The following MYLK4 variants were observed in gnomAD, a reference collection of about 807,000 sequenced individuals.
MYLK4 encodes the protein myosin light chain kinase family member 4, also known as caMLCK like.
In MYLK4, 46 loss-of-function variants were observed where a neutral mutation model predicts 48.1. The ratio of observed to expected loss-of-function variants is 0.96; its 90% CI spans 0.75 to 1.22. The LOEUF (loss-of-function observed/expected upper bound fraction) is 1.22. MYLK4 is among the 50% of genes most tolerant of loss of function. The pLI, the probability that MYLK4 is intolerant of heterozygous loss-of-function variation, is 0.00. For missense variants in MYLK4, 451 were observed against 486.1 expected (o/e 0.93, Z 0.68); for synonymous variants, 170 against 180.8 (o/e 0.94, Z 0.48).
intron 11 of MYLK4, 23 bp downstream of exon 11, chr6:2,675,024 G>A (rs553872472): frequency 6.4e-7 from 1 of 1,569,448 alleles, no homozygotes; most frequent in South Asian, 1.1e-5. Flanking sequence ...AGAAAAAGAG[G>A]AAGAGCAAGA....
chr6:2,670,156 A>T (rs1415495419), intron 12 of MYLK4, among the ~76,000 whole-genome samples: 1 of 152,178 alleles, frequency 6.6e-6, no homozygotes, highest in Non-Finnish European at 1.5e-5. Flanking sequence ...ACCTTAGGTC[A>T]GGAGTTTGAG....
chr6:2,762,936 G>A, the MYLK4 span, among the ~76,000 whole-genome samples: 3 of 152,126 alleles, frequency 2.0e-5, no homozygotes, highest in Admixed American at 6.6e-5. Flanking sequence ...CACTCATTAA[G>A]ACAATTCAGA....
chr6:2,741,667 T>C (rs970059696), intron 2 of MYLK4, among the ~76,000 whole-genome samples: 1 of 152,228 alleles, frequency 6.6e-6, no homozygotes, highest in African/African-American at 2.4e-5. Context: ...TCAAAGACAA[T>C]AGTTTGCTCA....
At chr6:2,737,977 C>CGG (rs1158504264) in intron 2 of MYLK4, among the ~76,000 whole-genome samples, 94 of 2,472 alleles carry the variant, frequency 0.038, no homozygotes, top group African/African-American at 0.047. Context: ...GTGCCGGGGG[C>CGG]GGGTGGGGGG....
At chr6:2,675,021 G>C in intron 11 of MYLK4, 26 bp downstream of exon 11, 1 of 1,557,340 alleles carries the variant, frequency 6.4e-7, no homozygotes, top group Non-Finnish European at 8.9e-7. Context: ...AGGAGAAAAA[G>C]AGGAAGAGCA....
intron 11 of MYLK4, 101 bp from the exon 12 acceptor site, chr6:2,671,449 A>C (rs1760892746): frequency 8.9e-7 from 1 of 1,125,884 alleles, no homozygotes; most frequent in Non-Finnish European, 1.3e-6. Flanking sequence ...ACTGAGGAGA[A>C]GGTGCTCTTC....
intron 2 of MYLK4, among the ~76,000 whole-genome samples, chr6:2,748,672 GGGTACAAGCCCCACCGTC>G (rs1764183419): frequency 6.6e-6 from 1 of 152,216 alleles, no homozygotes; most frequent in African/African-American, 2.4e-5. Context: ...GCACAGAGGA[GGGTACAAGCCCCACCGTC>G]GTGCCATCAG....
chr6:2,751,253 C>A (rs1332187435), upstream of MYLK4, among the ~76,000 whole-genome samples: 1 of 152,198 alleles, frequency 6.6e-6, no homozygotes, highest in African/African-American at 2.4e-5. Flanking sequence ...AGGGAAAATG[C>A]CAGGTGTGGC....
rs753382099 is a variant in MYLK4, at chr6:2,685,455, G to T, written c.435+28C>A. On this transcript the variant is annotated intron_variant, in intron 5 of 12. Transcript: ENST00000274643. The surrounding 1 kb of genome is among the most constrained non-coding windows in gnomAD (Gnocchi z 4.5). ...AGTGTGGTCAAGATGGGGCGGGGAG[G>T]GAGGGGACCACCTCCCACAGGCTGT... 1.2e-6 allele frequency: 2 copies of T among 1,608,418 alleles called. No homozygotes were observed. The highest frequency in any genetic ancestry group is 1.7e-6 in the Non-Finnish European group (2 of 1,174,894).
intron 2 of MYLK4, among the ~76,000 whole-genome samples, chr6:2,727,816 G>A (rs1241201892): frequency 2.6e-5 from 4 of 152,114 alleles, no homozygotes; most frequent in East Asian, 1.9e-4. Context: ...GTGTGGTGGC[G>A]CATGCCTGTA....
intron 2 of MYLK4, among the ~76,000 whole-genome samples, chr6:2,714,558 C>T (rs1476990244): frequency 3.3e-5 from 5 of 152,164 alleles, no homozygotes; most frequent in Admixed American, 2.0e-4. Flanking sequence ...TTTGGGGGCT[C>T]GCCTGTCCTG....
At chr6:2,705,235 G>T (rs1762442318) in intron 2 of MYLK4, among the ~76,000 whole-genome samples, 1 of 152,208 alleles carries the variant, frequency 6.6e-6, no homozygotes, top group Non-Finnish European at 1.5e-5. Context: ...CTTGGGTTCA[G>T]TTCTTAGGTT....
intron 2 of MYLK4, among the ~76,000 whole-genome samples, chr6:2,701,986 A>T (rs1347275290): frequency 6.6e-6 from 1 of 152,244 alleles, no homozygotes; most frequent in Non-Finnish European, 1.5e-5. Context: ...CTAATCTCGT[A>T]CTTGGGTAAA....
At chr6:2,697,204 G>T (rs1301508735) in intron 2 of MYLK4, among the ~76,000 whole-genome samples, 1 of 152,194 alleles carries the variant, frequency 6.6e-6, no homozygotes, top group African/African-American at 2.4e-5. Context: ...GACAATTGTA[G>T]ATAACACCGT....
chr6:2,715,492 G>C (rs1462796272), intron 2 of MYLK4, among the ~76,000 whole-genome samples: 2 of 152,162 alleles, frequency 1.3e-5, no homozygotes. Context: ...GAAGAAAATT[G>C]GCTGATCCAA....
At chr6:2,755,715 T>G (rs1007107564), upstream of MYLK4, among the ~76,000 whole-genome samples, 2 of 152,156 alleles carry the variant, frequency 1.3e-5, no homozygotes, top group African/African-American at 4.8e-5. Flanking sequence ...AGTTTTGTAT[T>G]TTTTGTGGAG....
chr6:2,692,750 C>A, intron 3 of MYLK4, 34 bp downstream of exon 3: 1 of 1,587,576 alleles, frequency 6.3e-7, no homozygotes, highest in Non-Finnish European at 8.6e-7. Flanking sequence ...GAACTTTCTT[C>A]ATCCATAACT....
At chr6:2,684,580 G>A (rs931109616) in intron 6 of MYLK4, among the ~76,000 whole-genome samples, 4 of 152,008 alleles carry the variant, frequency 2.6e-5, no homozygotes, top group African/African-American at 9.7e-5. Context: ...TCAAACAATC[G>A]TAAATCAAAA....
At position 2,685,656 on chromosome 6, in the gene MYLK4, T is replaced by A; in HGVS notation, c.342-80A>T. On this transcript the variant is annotated intron_variant, in intron 4 of 12. Coordinates refer to ENST00000274643, the MANE Select transcript of MYLK4 (RefSeq NM_001012418.5). This position sits in a 1 kb window ranked among gnomAD's most constrained non-coding sequence, Gnocchi z 4.5. The stretch of plus-strand genomic sequence containing the variant: ...GACAGCGCACAGTGGCCCCAGTATT[T>A]CTCCTGCTGAGTCTGGATGAGCAGC... 1 of 1,313,338 alleles carries A rather than the reference T, an allele frequency of 7.6e-7. No individual in the cohort carries two copies. The highest frequency in any genetic ancestry group is 1.1e-6 in the Non-Finnish European group (1 of 917,456). The allele number at this position is 1,313,338 out of a possible 1,614,324, so 81.4% of individuals were successfully genotyped here.
Sources: allele counts gnomAD v4.1 joint callset (sites outside exome capture counted in the v4.1 genomes callset), GRCh38; gene constraint gnomAD v4.1.1; non-coding constraint Gnocchi (gnomAD v3.1); transcripts MANE v1.5; gene names NCBI Gene and HGNC (gene_info 2026-07-23, HGNC 2026-07-21).